OR5B2: variants seen among roughly 807,000 people sequenced by gnomAD.
OR5B2 encodes the protein olfactory receptor 5B2.
For missense variants in OR5B2, 411 were observed against 367.0 expected (o/e 1.12, Z -0.98); for synonymous variants, 163 against 140.8 (o/e 1.16, Z -1.11).
chr11:58,424,506 C>T (rs963203317), intron 2 of OR5B2, among the ~76,000 whole-genome samples: 13 of 152,078 alleles, frequency 8.5e-5, no homozygotes, highest in Middle Eastern at 3.4e-3. Context: ...AGCTTGGTTT[C>T]GCAGCATCTC....
chr11:58,423,190 G>A lies in OR5B2; in HGVS notation c.72C>T (p.Pro24=), dbSNP rs1383914278. The change falls in exon 3 of 3, where the codon CCC becomes CCT. Residue 24 remains proline, a synonymous_variant. Transcript: ENST00000641342. The stretch of plus-strand genomic sequence containing the variant: ...AGATGAAGGTGAACAAGATAAAGAG[G>A]GGGATCTGTAGTTCTGGGACACTGG... ...GLTSVPELQI[P]LFILFTFIYL... 1 of 1,613,368 alleles carries A rather than the reference G, an allele frequency of 6.2e-7. No homozygotes were observed. Among genetic ancestry groups the A allele is most frequent in the East Asian group, 2.2e-5 (1 of 44,858 alleles).
At chr11:58,425,912 CCTT>C (rs1420709252) in intron 2 of OR5B2, among the ~76,000 whole-genome samples, 1 of 151,958 alleles carries the variant, frequency 6.6e-6, no homozygotes, top group Non-Finnish European at 1.5e-5. Flanking sequence ...CGTGTGGACT[CCTT>C]ATTTTAAAAA....
chr11:58,423,678 C>A (rs1183462781), intron 2 of OR5B2, among the ~76,000 whole-genome samples: 1 of 152,044 alleles, frequency 6.6e-6, no homozygotes, highest in Non-Finnish European at 1.5e-5. Context: ...ATATTGATTC[C>A]TCTCAACAAT....
rs1855280891 is a variant in OR5B2, at chr11:58,422,152, A to AG, written c.*179dup. The AG allele has an allele frequency of 2.1e-6, 1 of 467,110 alleles. No individual in the cohort carries two copies. The highest frequency in any genetic ancestry group is 3.8e-6 in the Non-Finnish European group (1 of 265,464). The allele number at this position is 467,110 out of a possible 1,614,324, so 28.9% of individuals were successfully genotyped here. On this transcript the variant is annotated 3_prime_UTR_variant, in exon 3 of 3. Transcript: ENST00000641342. ...CATTTCCATTTAGCCTTCCTCATTCAGGTATTACATTTCTGATAATATTTT... is the reference window on the plus strand; with the variant it reads ...CATTTCCATTTAGCCTTCCTCATTCAGGGTATTACATTTCTGATAATATTTT...
intron 1 of OR5B2, 29 bp from the exon 2 acceptor site, chr11:58,426,705 T>C (rs1427058473): frequency 6.6e-6 from 1 of 152,144 alleles, no homozygotes; most frequent in Non-Finnish European, 1.5e-5. Context: ...AAAGCTCCTA[T>C]TTAAGAAGTT....
rs1205959421 is a variant in OR5B2, at chr11:58,422,063, G to A, written c.*269C>T. ...TGGAATGTGGTAGAAAAAATGCAAG[G>A]GGAACAAGTGAGTAAACCGAATGTC... On this transcript the variant is annotated 3_prime_UTR_variant, in exon 3 of 3. Transcript: ENST00000641342. The A allele has an allele frequency of 1.5e-5, 4 of 271,580 alleles. No homozygotes were observed. Among genetic ancestry groups the A allele is most frequent in the Non-Finnish European group, 2.8e-5 (4 of 144,432 alleles). 16.8% of individuals were successfully genotyped at this position (271,580 alleles called of 1,614,324 possible).
chr11:58,426,145 T>G (rs1279641248), intron 2 of OR5B2, among the ~76,000 whole-genome samples: 1 of 150,932 alleles, frequency 6.6e-6, no homozygotes, highest in Non-Finnish European at 1.5e-5. Flanking sequence ...CACATGGATT[T>G]TTTGTGTGTA....
chr11:58,422,647 G>C lies in OR5B2; in HGVS notation c.615C>G (p.Ile205Met). The change falls in exon 3 of 3, where the codon ATC (isoleucine) becomes ATG (methionine). Residue 205 changes from isoleucine to methionine, a missense_variant. Ile to Met is a conservative substitution (Grantham distance 10). Transcript: ENST00000641342. ...VILVFMSSFN[I>M]FFVLLVIFIS... ...TAAAGATAACTAGAAGAACAAAAAAGATATTAAAGCTTGACATAAAAACCA... is the reference window on the plus strand; with the variant it reads ...TAAAGATAACTAGAAGAACAAAAAACATATTAAAGCTTGACATAAAAACCA... The C allele has an allele frequency of 6.2e-7, 1 of 1,613,554 alleles. No individual in the cohort carries two copies.
chr11:58,427,287 T>C (rs769198836), intron 1 of OR5B2, among the ~76,000 whole-genome samples: 6 of 152,168 alleles, frequency 3.9e-5, no homozygotes, highest in Non-Finnish European at 2.9e-5. Flanking sequence ...GTATTTACTT[T>C]ACTCAGGGTT....
Position 58,426,149 on chromosome 11 carries a change from G to T in OR5B2, c.-29+473C>A, listed in dbSNP as rs551694196. ...GTTCTTCTAAGCACATGGATTTTTT[G>T]TGTGTATAAGGGTTTTGTTTTTTGT... is the stretch of plus-strand genomic sequence containing the variant. On this transcript the variant is annotated intron_variant, in intron 2 of 2. Coordinates refer to ENST00000641342, the MANE Select transcript of OR5B2 (RefSeq NM_001005566.3). Among the ~76,000 whole-genome samples the T allele has an allele frequency of 5.1e-3, 734 of 145,182 alleles. 15 individuals carry two copies. The highest frequency in any genetic ancestry group is 0.02 in the African/African-American group (694 of 34,964).
Position 58,428,002 on chromosome 11 carries a change from G to A in OR5B2, c.-84+17C>T, listed in dbSNP as rs1855357752. On this transcript the variant is annotated intron_variant, in intron 1 of 2. Coordinates refer to ENST00000641342, the MANE Select transcript of OR5B2 (RefSeq NM_001005566.3). ...CACTGGTTTGTAGAGTTGTTAGCCAGAGATTTGTGATCTTACCTTGATTGG... is the reference window on the plus strand; with the variant it reads ...CACTGGTTTGTAGAGTTGTTAGCCAAAGATTTGTGATCTTACCTTGATTGG... The A allele has an allele frequency of 1.3e-5, 2 of 152,442 alleles. No individual in the cohort carries two copies. The highest frequency in any genetic ancestry group is 4.1e-4 in the South Asian group (2 of 4,836). 9.4% of individuals were successfully genotyped at this position (152,442 alleles called of 1,614,324 possible). A position where few individuals can be genotyped will look rare whatever the true frequency, so the allele number is the denominator to read the frequency against.
Position 58,422,027 on chromosome 11 carries a change from T to G in OR5B2, c.*305A>C. 1 of 212,188 alleles carries G rather than the reference T, an allele frequency of 4.7e-6. No individual in the cohort carries two copies. The highest frequency in any genetic ancestry group is 9.4e-6 in the Non-Finnish European group (1 of 106,028). The allele number at this position is 212,188 out of a possible 1,614,324, so 13.1% of individuals were successfully genotyped here. A position where few individuals can be genotyped will look rare whatever the true frequency, so the allele number is the denominator to read the frequency against. On this transcript the variant is annotated 3_prime_UTR_variant, in exon 3 of 3. Transcript: ENST00000641342. ...CTTGTTGGTGTCCCTGTTTAACAAGTATGTTTGCACTGGAATGTGGTAGAA... is the reference window on the plus strand; with the variant it reads ...CTTGTTGGTGTCCCTGTTTAACAAGGATGTTTGCACTGGAATGTGGTAGAA...
At chr11:58,427,581 A>G (rs915261704) in intron 1 of OR5B2, among the ~76,000 whole-genome samples, 4 of 152,156 alleles carry the variant, frequency 2.6e-5, no homozygotes, top group African/African-American at 9.7e-5. Flanking sequence ...TGGAAATAGC[A>G]AGTGGTGTGT....
intron 1 of OR5B2, among the ~76,000 whole-genome samples, chr11:58,427,394 G>A (rs1432776718): frequency 1.3e-5 from 2 of 152,172 alleles, no homozygotes; most frequent in Non-Finnish European, 2.9e-5. Flanking sequence ...ATGGAAACTA[G>A]GCTAAAGTGT....
At chr11:58,426,104 G>A (rs1223473214) in intron 2 of OR5B2, among the ~76,000 whole-genome samples, 1 of 151,772 alleles carries the variant, frequency 6.6e-6, no homozygotes, top group Non-Finnish European at 1.5e-5. Context: ...AGTATTTAGA[G>A]TGCCCATCAT....
chr11:58,421,442 A>G lies in OR5B2; in HGVS notation c.*890T>C, dbSNP rs904576099. ...ATAAGCCAATATGGAAAGGTTACAT[A>G]CCATATGATTTTAACTATATGACAT... On this transcript the variant is annotated 3_prime_UTR_variant, in exon 3 of 3. Transcript: ENST00000641342. 2 of 152,160 alleles carry G rather than the reference A, an allele frequency of 1.3e-5. No individual in the cohort carries two copies. Among genetic ancestry groups the G allele is most frequent in the African/African-American group, 4.8e-5 (2 of 41,450 alleles). The allele number at this position is 152,160 out of a possible 1,614,324, so 9.4% of individuals were successfully genotyped here.
chr11:58,424,853 C>CT (rs1855319900), intron 2 of OR5B2, among the ~76,000 whole-genome samples: 1 of 151,958 alleles, frequency 6.6e-6, no homozygotes, highest in African/African-American at 2.4e-5. Flanking sequence ...ATGTTAAGAA[C>CT]TTTTTATATA....
At chr11:58,423,513 T>C (rs1032524010) in intron 2 of OR5B2, among the ~76,000 whole-genome samples, 3 of 152,152 alleles carry the variant, frequency 2.0e-5, no homozygotes, top group African/African-American at 7.2e-5. Context: ...TTCCATTTTA[T>C]AAATTTATAA....
At chr11:58,427,451 T>C (rs572505084) in intron 1 of OR5B2, among the ~76,000 whole-genome samples, 17 of 152,296 alleles carry the variant, frequency 1.1e-4, no homozygotes, top group African/African-American at 3.8e-4. Flanking sequence ...ACAAAGTTCA[T>C]ATTGAGATTA....
Sources: allele counts gnomAD v4.1 joint callset (sites outside exome capture counted in the v4.1 genomes callset), GRCh38; gene constraint gnomAD v4.1.1; transcripts MANE v1.5; gene names NCBI Gene and HGNC (gene_info 2026-07-23, HGNC 2026-07-21).